GPBP1: variants seen among roughly 807,000 people sequenced by gnomAD.
GPBP1 encodes GC-rich promoter binding protein 1.
A neutral mutation model predicts 56.5 loss-of-function variants in GPBP1; 13 were observed. The ratio of observed to expected loss-of-function variants is 0.23; its 90% CI spans 0.15 to 0.37. The LOEUF (loss-of-function observed/expected upper bound fraction) is 0.37, where lower values mean the gene tolerates loss of function less well. GPBP1 is among the 10% of genes least tolerant of loss of function. GPBP1 has a pLI of 1.00. For synonymous variants in GPBP1, 204 were observed against 188.9 expected (o/e 1.08, Z -0.66); for missense variants, 477 against 572.3 (o/e 0.83, Z 1.70).
At chr5:57,221,446 C>G (rs1436397578) in intron 3 of GPBP1, 3 of 1,116,778 alleles carry the variant, frequency 2.7e-6, no homozygotes, top group Admixed American at 2.2e-5. Context: ...ATTTAGATAA[C>G]TAGCAAATTC....
chr5:57,257,453 C>T (rs546125257), intron 10 of GPBP1, among the ~76,000 whole-genome samples: 31 of 152,136 alleles, frequency 2.0e-4, no homozygotes, highest in Non-Finnish European at 4.3e-4. Flanking sequence ...ATCAGGGTAT[C>T]GAGGTAGCCT....
chr5:57,213,911 C>G (rs1426768736), intron 2 of GPBP1, among the ~76,000 whole-genome samples, 163 bp from the exon 3 acceptor site: 2 of 152,266 alleles, frequency 1.3e-5, no homozygotes, highest in Non-Finnish European at 2.9e-5. Flanking sequence ...GCAGTCATCC[C>G]CCTTCCAAGT....
chr5:57,177,794 C>T (rs1381719008), intron 2 of GPBP1, among the ~76,000 whole-genome samples: 2 of 151,516 alleles, frequency 1.3e-5, no homozygotes, highest in African/African-American at 2.4e-5. Flanking sequence ...AGCCCACGCG[C>T]CCGGCTGAGA....
At chr5:57,259,614 C>T (rs1741806038) in intron 10 of GPBP1, among the ~76,000 whole-genome samples, 1 of 152,040 alleles carries the variant, frequency 6.6e-6, no homozygotes, top group Non-Finnish European at 1.5e-5. Context: ...AAATGGGCCC[C>T]CTCTAAAATT....
chr5:57,246,962 AATT>A, intron 7 of GPBP1, 110 bp from the exon 8 acceptor site: 1 of 801,162 alleles, frequency 1.2e-6, no homozygotes, highest in Non-Finnish European at 1.9e-6. Flanking sequence ...ATACAAAAAT[AATT>A]GTTTCCATGA....
chr5:57,190,647 A>G, intron 2 of GPBP1, among the ~76,000 whole-genome samples: 1 of 137,212 alleles, frequency 7.3e-6, no homozygotes, highest in Non-Finnish European at 1.5e-5. Context: ...TTGTTATATG[A>G]GCTTTTTGTC....
chr5:57,235,375 C>T (rs529505169), intron 5 of GPBP1, among the ~76,000 whole-genome samples: 2 of 151,134 alleles, frequency 1.3e-5, no homozygotes, highest in African/African-American at 4.8e-5. Context: ...ATTTCTTAGA[C>T]TGATGCAAAG....
intron 2 of GPBP1, among the ~76,000 whole-genome samples, chr5:57,203,378 A>G (rs988711236): frequency 6.6e-6 from 1 of 152,232 alleles, no homozygotes; most frequent in Non-Finnish European, 1.5e-5. Context: ...GCTCACACCT[A>G]TACTCCTCAT....
chr5:57,183,614 G>A (rs770300645), intron 2 of GPBP1, among the ~76,000 whole-genome samples: 51 of 151,990 alleles, frequency 3.4e-4, no homozygotes, highest in Non-Finnish European at 6.0e-4. Context: ...CTGCACTGTA[G>A]CCTATGCACC....
Position 57,214,174 on chromosome 5 carries a change from C to T in GPBP1, c.44C>T (p.Thr15Ile). ...GCTCCAGCCTGGCTTAATTTCCCTA[C>T]TCCACCATCATCAACAAAGGTACTC... is the stretch of plus-strand genomic sequence containing the variant. Reference protein sequence around the residue: ...DFAPAWLNFPTPPSSTKSSLN... With the variant: ...DFAPAWLNFPIPPSSTKSSLN... The change falls in exon 3 of 12, where the codon ACT becomes ATT. Residue 15 changes from threonine (T) to isoleucine (I), a missense_variant. Around this residue, in one of 2 missense-constraint regions of GPBP1, gnomAD observed 414 missense variants for 458.2 expected, o/e 0.90. Coordinates refer to ENST00000506184, the MANE Select transcript of GPBP1 (RefSeq NM_022913.4). The T allele has an allele frequency of 6.2e-7, 1 of 1,613,310 alleles. No individual in the cohort carries two copies. Among genetic ancestry groups the T allele is most frequent in the Non-Finnish European group, 8.5e-7 (1 of 1,179,296 alleles).
At chr5:57,209,818 T>G (rs1755397842) in intron 2 of GPBP1, among the ~76,000 whole-genome samples, 2 of 152,206 alleles carry the variant, frequency 1.3e-5, no homozygotes, top group Non-Finnish European at 2.9e-5. Flanking sequence ...TGAGTCACTC[T>G]TGCATTCCTG....
chr5:57,260,554 T>C (rs1266592177), intron 10 of GPBP1, among the ~76,000 whole-genome samples: 2 of 152,232 alleles, frequency 1.3e-5, no homozygotes, highest in African/African-American at 2.4e-5. Flanking sequence ...AAACATGTTA[T>C]CACAAGTTAG....
rs61736550 is a variant in GPBP1, at chr5:57,247,188, T to C, written c.777T>C (p.Phe259=). Reference sequence around the variant, plus strand: ...CTTTTAAATCAACTGCCAAGAACTTTAGTCCATCTACAAATTCAGTGAAAG... The same window carrying C: ...CTTTTAAATCAACTGCCAAGAACTTCAGTCCATCTACAAATTCAGTGAAAG... The part of the protein sequence containing the change: ...FNAFKSTAKN[F]SPSTNSVKEC... Residue 259 remains phenylalanine (F), a synonymous_variant, in exon 8 of 12, where the codon TTT becomes TTC. Transcript: ENST00000506184. The C allele has an allele frequency of 5.9e-4, 954 of 1,613,558 alleles. 5 individuals are homozygous for C. In the African/African-American group the frequency reaches 0.011, roughly 18 times the overall value.
intron 5 of GPBP1, among the ~76,000 whole-genome samples, chr5:57,232,526 T>C (rs1756502684): frequency 6.6e-6 from 1 of 152,224 alleles, no homozygotes. Context: ...GGAGGTGTTT[T>C]TACCTTTATC....
At chr5:57,195,993 AAAAAAAAAAAAAAT>A (rs1440822994) in intron 2 of GPBP1, among the ~76,000 whole-genome samples, 3 of 149,292 alleles carry the variant, frequency 2.0e-5, no homozygotes, top group Non-Finnish European at 4.4e-5. Flanking sequence ...AAAAAAAAAA[AAAAAAAAAAAAAAT>A]TTTTTTTTTT....
intron 2 of GPBP1, among the ~76,000 whole-genome samples, chr5:57,182,865 TAGAG>T (rs962937472): frequency 1.3e-5 from 2 of 152,068 alleles, no homozygotes; most frequent in Non-Finnish European, 2.9e-5. Context: ...TTTTATTTTG[TAGAG>T]AGAGAGTCTT....
chr5:57,239,225 G>A (rs1377206225), intron 6 of GPBP1, among the ~76,000 whole-genome samples: 1 of 152,172 alleles, frequency 6.6e-6, no homozygotes, highest in African/African-American at 2.4e-5. Flanking sequence ...AAAATTAATA[G>A]GATTTGAGTA....
chr5:57,236,092 T>A (rs1428260267), intron 6 of GPBP1, 60 bp downstream of exon 6: 31 of 1,115,646 alleles, frequency 2.8e-5, no homozygotes, highest in Non-Finnish European at 4.0e-5. Context: ...TAGGTTTCAC[T>A]TTTTGTGTTT....
At chr5:57,232,851 G>GCCAGAGTCC in intron 5 of GPBP1, among the ~76,000 whole-genome samples, 1 of 152,182 alleles carries the variant, frequency 6.6e-6, no homozygotes. Context: ...CGGCACCAAA[G>GCCAGAGTCC]AACAAGCATT....
Sources: allele counts gnomAD v4.1 joint callset (sites outside exome capture counted in the v4.1 genomes callset), GRCh38; gene constraint gnomAD v4.1.1; regional missense constraint gnomAD v4.1.1; transcripts MANE v1.5; gene names NCBI Gene and HGNC (gene_info 2026-07-23, HGNC 2026-07-21).